Variants in CCN5 observed in about 807,000 individuals in gnomAD.
The protein encoded by CCN5 is cellular communication network factor 5, also known as CCN family member 5.
In CCN5, 17 loss-of-function variants were observed where a neutral mutation model predicts 18.7. That is an observed-to-expected ratio of 0.91 (90% CI 0.62 to 1.36). CCN5 has a LOEUF of 1.36. Ranked by LOEUF, CCN5 falls within the 40% of genes most tolerant of loss-of-function variation. The pLI is 0.00. For missense variants in CCN5, 367 were observed against 342.9 expected (o/e 1.07, Z -0.56); for synonymous variants, 135 against 145.2 (o/e 0.93, Z 0.50).
intron 3 of CCN5, among the ~76,000 whole-genome samples, chr20:44,726,667 C>G (rs546096747): frequency 6.6e-6 from 1 of 152,202 alleles, no homozygotes; most frequent in African/African-American, 2.4e-5. Flanking sequence ...AGAGAAAAAG[C>G]TAGACCATGG....
In CCN5 at chr20:44,727,119, C is replaced by G; in HGVS notation, c.565C>G (p.Pro189Ala). The change falls in exon 4 of 4, where the codon CCC (proline) becomes GCC (alanine). Residue 189 changes from proline (P) to alanine (A), a missense_variant. By Grantham distance (27) the Pro-to-Ala change is conservative (BLOSUM62 -1). Transcript: ENST00000190983. Reference protein sequence around the residue: ...PQFSGLVSSLPPGVPCPEWST... With the variant: ...PQFSGLVSSLAPGVPCPEWST... ...GTTTTCTGGCCTTGTCTCTTCCCTG[C>G]CCCCTGGTGTCCCCTGCCCAGAATG... The G allele has an allele frequency of 6.2e-7, 1 of 1,604,726 alleles. No homozygotes were observed.
chr20:44,715,139 G>A (rs1342356863), upstream of CCN5: 1 of 518,970 alleles, frequency 1.9e-6, no homozygotes, highest in Non-Finnish European at 3.5e-6. Context: ...CCCCCTTGGT[G>A]GCCTTCACAG....
At chr20:44,727,042 T>C (rs2065940374) in intron 3 of CCN5, 45 bp from the exon 4 acceptor site, 2 of 1,491,756 alleles carry the variant, frequency 1.3e-6, no homozygotes, top group East Asian at 2.4e-5. Context: ...ATTGAGCTGC[T>C]GAGCCCTGGC....
intron 1 of CCN5, among the ~76,000 whole-genome samples, chr20:44,718,099 C>T (rs2065872791): frequency 6.6e-6 from 1 of 152,114 alleles, no homozygotes; most frequent in African/African-American, 2.4e-5. Flanking sequence ...GGATCCACTC[C>T]CTTGTGAGGC....
At chr20:44,719,310 A>G (rs189134957) in intron 1 of CCN5, among the ~76,000 whole-genome samples, 1,541 of 152,350 alleles carry the variant, frequency 0.01, 21 homozygotes, top group African/African-American at 0.031. Flanking sequence ...GAGGCTCAGA[A>G]TGCTTAAGTA....
chr20:44,724,664 G>A, intron 2 of CCN5, 74 bp from the exon 3 acceptor site: 1 of 1,591,414 alleles, frequency 6.3e-7, no homozygotes. Flanking sequence ...CAGGCAGCGG[G>A]ATCTGGGCAG....
intron 3 of CCN5, among the ~76,000 whole-genome samples, chr20:44,725,419 C>T (rs1029174752): frequency 1.3e-5 from 2 of 150,868 alleles, no homozygotes; most frequent in African/African-American, 2.4e-5. Context: ...GCCTGGCCGA[C>T]AAGCACGAAA....
chr20:44,720,056 C>G lies in CCN5; in HGVS notation c.220C>G (p.Gln74Glu), dbSNP rs1217568171. The G allele has an allele frequency of 2.2e-5, 35 of 1,590,164 alleles. No homozygotes were observed. Among genetic ancestry groups the G allele is most frequent in the Non-Finnish European group, 3.0e-5 (35 of 1,173,572 alleles). Residue 74 changes from glutamine to glutamate, a missense_variant, in exon 2 of 4, where the codon CAG becomes GAG. Gln to Glu is a conservative substitution (Grantham distance 29, BLOSUM62 2). Transcript: ENST00000190983. ...CCAACTCCACGTCTGCGACGCCAGCCAGGGCCTGGTCTGCCAGCCCGGGGC... is the reference window on the plus strand; with the variant it reads ...CCAACTCCACGTCTGCGACGCCAGCGAGGGCCTGGTCTGCCAGCCCGGGGC... ...CDQLHVCDASQGLVCQPGAGP... is the reference protein window; with the variant it reads ...CDQLHVCDASEGLVCQPGAGP...
chr20:44,727,650 A>G lies in CCN5; in HGVS notation c.*343A>G. The stretch of plus-strand genomic sequence containing the variant: ...CTCTCCGACTTCCCCTGGGCAAGAG[A>G]TGGGACAAGCAGTCCCTTAATATTG... On this transcript the variant is annotated 3_prime_UTR_variant, in exon 4 of 4. Coordinates refer to ENST00000190983, the MANE Select transcript of CCN5 (RefSeq NM_003881.4). 10 of 711,546 alleles carry G rather than the reference A, an allele frequency of 1.4e-5. No individual in the cohort carries two copies. Among genetic ancestry groups the G allele is most frequent in the Non-Finnish European group, 1.6e-5 (8 of 511,102 alleles). 44.1% of individuals were successfully genotyped at this position (711,546 alleles called of 1,614,324 possible). A position where few individuals can be genotyped will look rare whatever the true frequency, so the allele number is the denominator to read the frequency against.
rs2065926605 is a variant in CCN5 at position 44,725,000 on chromosome 20, C to T, written c.532+8C>T. On this transcript the variant is annotated splice_region_variant and intron_variant, in intron 3 of 3. Coordinates refer to ENST00000190983, the MANE Select transcript of CCN5 (RefSeq NM_003881.4). ...AGCCCCTTCCAGCCCAAGGTGAGCGCAGCGGTGGTCCAGGTCAGGGCAGGA... is the reference window on the plus strand; with the variant it reads ...AGCCCCTTCCAGCCCAAGGTGAGCGTAGCGGTGGTCCAGGTCAGGGCAGGA... 2 of 1,561,370 alleles carry T rather than the reference C, an allele frequency of 1.3e-6. No individual in the cohort carries two copies. Among genetic ancestry groups the T allele is most frequent in the Middle Eastern group, 2.3e-4 (1 of 4,410 alleles).
At position 44,727,472 on chromosome 20, in the gene CCN5, C is replaced by A. The variant is rs969867333; in HGVS notation, c.*165C>A. The stretch of plus-strand genomic sequence containing the variant: ...CACCAATATTAACACGCTGCCTGGT[C>A]TGTCTGGATCCCGAGGTATGGCAGA... On this transcript the variant is annotated 3_prime_UTR_variant, in exon 4 of 4. Transcript: ENST00000190983. 1 of 1,429,544 alleles carries A rather than the reference C, an allele frequency of 7.0e-7. No homozygotes were observed. The highest frequency in any genetic ancestry group is 1.5e-5 in the South Asian group (1 of 64,530). 88.6% of individuals were successfully genotyped at this position (1,429,544 alleles called of 1,614,324 possible). A position where few individuals can be genotyped will look rare whatever the true frequency, so the allele number is the denominator to read the frequency against.
chr20:44,715,114 A>ACT, upstream of CCN5: 1 of 460,936 alleles, frequency 2.2e-6, no homozygotes, highest in African/African-American at 2.0e-5. Flanking sequence ...ACACACACAC[A>ACT]CACACGGACA....
At position 44,724,796 on chromosome 20, in the gene CCN5, C is replaced by G. The variant is rs1311461684; in HGVS notation, c.336C>G (p.Thr112=). ...GCCGCCTGTATCGGGAAGGGGAGAC[C>G]TTCCAGCCCCACTGCAGCATCCGCT... The part of the protein sequence containing the change: ...VNGRLYREGE[T]FQPHCSIRCR... Residue 112 remains threonine (T), a synonymous_variant, in exon 3 of 4, where the codon ACC becomes ACG. Transcript: ENST00000190983. 3.7e-6 allele frequency: 6 copies of G among 1,612,460 alleles called. No homozygotes were observed. The highest frequency in any genetic ancestry group is 5.1e-6 in the Non-Finnish European group (6 of 1,179,874).
intron 1 of CCN5, among the ~76,000 whole-genome samples, chr20:44,716,250 C>T (rs1339300519): frequency 6.6e-6 from 1 of 152,196 alleles, no homozygotes; most frequent in Non-Finnish European, 1.5e-5. Flanking sequence ...TCTGTGCCTC[C>T]CCAAGCCCAA....
rs1386435970 is a variant in CCN5 at position 44,724,838 on chromosome 20, C to A, written c.378C>A (p.Gly126=). 1 of 1,603,456 alleles carries A rather than the reference C, an allele frequency of 6.2e-7. No homozygotes were observed. Residue 126 remains glycine, a synonymous_variant, in exon 3 of 4, where the codon GGC becomes GGA. Coordinates refer to ENST00000190983, the MANE Select transcript of CCN5 (RefSeq NM_003881.4). ...HCSIRCRCED[G]GFTCVPLCSE... The stretch of plus-strand genomic sequence containing the variant: ...GCATCCGCTGCCGCTGCGAGGACGG[C>A]GGCTTCACCTGCGTGCCGCTGTGCA...
At position 44,717,874 on chromosome 20, in the gene CCN5, A is replaced by T. The variant is rs538804626; in HGVS notation, c.61-2023A>T. Among the ~76,000 whole-genome samples the T allele has an allele frequency of 4.7e-5, 7 of 149,436 alleles. No homozygotes were observed. In the South Asian group the frequency reaches 1.5e-3, roughly 32 times the overall value. ...AGCCTAGGTGACAGAGCAAGACTCC[A>T]TCTCAAAAAAGAAAAAAAAAAAAAA... On this transcript the variant is annotated intron_variant, in intron 1 of 3. Transcript: ENST00000190983.
chr20:44,717,012 C>T (rs575839846), intron 1 of CCN5, among the ~76,000 whole-genome samples: 5 of 152,300 alleles, frequency 3.3e-5, no homozygotes, highest in Non-Finnish European at 7.3e-5. Context: ...ATGCCCAGTA[C>T]TCCTGCCCCA....
intron 2 of CCN5, among the ~76,000 whole-genome samples, chr20:44,721,955 A>G (rs1028712354): frequency 2.0e-5 from 3 of 152,252 alleles, no homozygotes; most frequent in Non-Finnish European, 4.4e-5. Flanking sequence ...ACTGCCTGAC[A>G]TGCAGCAGTT....
Position 44,727,433 on chromosome 20 carries a change from T to G in CCN5, c.*126T>G. On this transcript the variant is annotated 3_prime_UTR_variant, in exon 4 of 4. Transcript: ENST00000190983. ...GCTGCAGGCAACACTTTAGCTTGGG[T>G]CCACCATGCAGAACACCAATATTAA... The G allele has an allele frequency of 6.9e-7, 1 of 1,445,646 alleles. No individual in the cohort carries two copies. Among genetic ancestry groups the G allele is most frequent in the Non-Finnish European group, 9.1e-7 (1 of 1,094,498 alleles). The allele number at this position is 1,445,646 out of a possible 1,614,324, so 89.6% of individuals were successfully genotyped here.
Sources: gnomAD v4.1 joint callset for allele counts (sites outside exome capture counted in the v4.1 genomes callset) on GRCh38, gnomAD v4.1.1 for gene constraint, MANE v1.5 for transcripts, NCBI Gene and HGNC (gene_info 2026-07-23, HGNC 2026-07-21) for gene names.